The following ZDHHC2 variants were observed in gnomAD, a reference collection of about 807,000 sequenced individuals.
The protein encoded by ZDHHC2 is palmitoyltransferase ZDHHC2.
Under a neutral mutation model 55.6 loss-of-function variants are expected in ZDHHC2, and 51 were observed. That is an observed-to-expected ratio of 0.92 (90% confidence interval 0.73 to 1.16). ZDHHC2 has a LOEUF of 1.16. Among genes scored for constraint, ZDHHC2 ranks in the 50% most tolerant of loss-of-function variants. The probability of loss-of-function intolerance (pLI) is 0.00; values close to 1 mark genes in which losing one functional copy is unlikely to be tolerated. For missense variants in ZDHHC2, 491 were observed against 442.4 expected, an observed-to-expected ratio of 1.11 and a Z score of -0.99; for synonymous variants, 199 against 152.9, an observed-to-expected ratio of 1.30 and a Z score of -2.22.
rs532298025 is a variant in ZDHHC2, at chr8:17,201,826, C to T, written c.476+3413C>T. On this transcript the variant is annotated intron_variant, in intron 6 of 12. Coordinates refer to ENST00000262096, the MANE Select transcript of ZDHHC2 (RefSeq NM_016353.5). Reference sequence around the variant, plus strand: ...AGCTTTTTTATACAGGTATTTTAAACAGGTATTTTGAACCTTCATATCTGT... The same window carrying T: ...AGCTTTTTTATACAGGTATTTTAAATAGGTATTTTGAACCTTCATATCTGT... 3.9e-5 allele frequency among the ~76,000 whole-genome samples: 6 copies of T among 152,118 alleles called. No individual in the cohort carries two copies. The East Asian group carries it at 9.7e-4, about 25-fold the overall frequency.
chr8:17,162,322 T>C lies in ZDHHC2; in HGVS notation c.130+5469T>C, dbSNP rs372493167. 4.6e-5 allele frequency among the ~76,000 whole-genome samples: 7 copies of C among 152,362 alleles called. 1 individual carries two copies. On this transcript the variant is annotated intron_variant, in intron 1 of 12. Transcript: ENST00000262096. ...TTCTACTTAGTCTTATTCAATTGTA[T>C]AATGCAAATAAGTGAGAGGACAGGA...
chr8:17,203,194 G>A (rs1806900259), intron 6 of ZDHHC2, among the ~76,000 whole-genome samples: 1 of 150,226 alleles, frequency 6.7e-6, no homozygotes, highest in African/African-American at 2.5e-5. Flanking sequence ...CGAGTAGCTG[G>A]GATTACAGAC....
chr8:17,207,862 A>C, intron 7 of ZDHHC2, 98 bp from the exon 8 acceptor site: 1 of 1,054,496 alleles, frequency 9.5e-7, no homozygotes, highest in Non-Finnish European at 1.2e-6. Flanking sequence ...TTTAAGAAAA[A>C]TTTTAAGCAA....
Position 17,222,814 on chromosome 8 carries a change from T to G in ZDHHC2, c.*2593T>G, listed in dbSNP as rs1047532409. On this transcript the variant is annotated 3_prime_UTR_variant, in exon 13 of 13. Coordinates refer to ENST00000262096, the MANE Select transcript of ZDHHC2 (RefSeq NM_016353.5). ...TTAAGCATAAATTTTCCTAATAGTT[T>G]ATTAGAGCTACTAATGGCAAAATTC... 4 of 151,880 alleles carry G rather than the reference T, an allele frequency of 2.6e-5. No individual in the cohort carries two copies. Among genetic ancestry groups the G allele is most frequent in the Non-Finnish European group, 5.9e-5 (4 of 67,804 alleles). The allele number at this position is 151,880 out of a possible 1,614,324, so 9.4% of individuals were successfully genotyped here.
chr8:17,216,402 A>G (rs1807651499), intron 11 of ZDHHC2, among the ~76,000 whole-genome samples: 1 of 152,188 alleles, frequency 6.6e-6, no homozygotes. Context: ...TGCCTCCCAG[A>G]GGGTCCCATT....
At chr8:17,189,440 A>G (rs1056901004) in intron 3 of ZDHHC2, among the ~76,000 whole-genome samples, 5 of 152,222 alleles carry the variant, frequency 3.3e-5, no homozygotes, top group African/African-American at 9.6e-5. Context: ...CGTGAAATGT[A>G]TCTTTGTTCA....
chr8:17,164,725 A>G (rs1804519350), intron 1 of ZDHHC2, among the ~76,000 whole-genome samples: 1 of 151,898 alleles, frequency 6.6e-6, no homozygotes, highest in Admixed American at 6.5e-5. Context: ...ATAAGTTCAT[A>G]TTGTTTCAAA....
At chr8:17,167,388 C>T (rs953475763) in intron 1 of ZDHHC2, among the ~76,000 whole-genome samples, 1 of 149,686 alleles carries the variant, frequency 6.7e-6, no homozygotes, top group Non-Finnish European at 1.5e-5. Context: ...TCACTGCAAC[C>T]TCTGCCTCCC....
In ZDHHC2 at chr8:17,209,989, G is replaced by T; in HGVS notation, c.788G>T (p.Gly263Val). Residue 263 changes from glycine (G) to valine (V), a missense_variant, in exon 9 of 13, where the codon GGT (glycine) becomes GTT (valine). Physicochemically the swap from Gly to Val is moderately radical, Grantham distance 109. Transcript: ENST00000262096. ...HGTDKNGFSL[G>V]FSKNMRQVFG... The stretch of plus-strand genomic sequence containing the variant: ...ACAGATAAGAATGGATTCAGCTTGG[G>T]TTTCAGTAAAAACATGCGACAAGTT... 1.2e-6 allele frequency: 2 copies of T among 1,611,358 alleles called. No homozygotes were observed. Among genetic ancestry groups the T allele is most frequent in the Non-Finnish European group, 1.7e-6 (2 of 1,178,664 alleles).
chr8:17,165,133 G>C (rs1804540635), intron 1 of ZDHHC2, among the ~76,000 whole-genome samples: 1 of 152,196 alleles, frequency 6.6e-6, no homozygotes, highest in Non-Finnish European at 1.5e-5. Context: ...GCTGTAATGA[G>C]AGACACCTGA....
At chr8:17,175,331 T>G (rs1805076661) in intron 1 of ZDHHC2, among the ~76,000 whole-genome samples, 1 of 152,202 alleles carries the variant, frequency 6.6e-6, no homozygotes, top group South Asian at 2.1e-4. Context: ...CTCATTCTAC[T>G]AATTCACCCA....
intron 9 of ZDHHC2, 76 bp from the exon 10 acceptor site, chr8:17,210,312 G>A (rs2150944779): frequency 1.4e-6 from 2 of 1,430,188 alleles, no homozygotes; most frequent in Non-Finnish European, 1.9e-6. Flanking sequence ...TCTGCTCTCG[G>A]ACATCAGCAT....
Position 17,212,872 on chromosome 8 carries a change from A to G in ZDHHC2, c.951-2365A>G, listed in dbSNP as rs149469894. 7.7e-4 allele frequency among the ~76,000 whole-genome samples: 117 copies of G among 151,710 alleles called. 1 individual carries two copies. Among genetic ancestry groups the G allele is most frequent in the Middle Eastern group, 3.4e-3 (1 of 294 alleles). ...AAAGCAAGTTAGTAATGTCTCTGTT[A>G]TAATAAAATGTCTCCATTAACAGCC... On this transcript the variant is annotated intron_variant, in intron 10 of 12. Transcript: ENST00000262096.
At chr8:17,165,069 C>T (rs1228460363) in intron 1 of ZDHHC2, among the ~76,000 whole-genome samples, 1 of 152,080 alleles carries the variant, frequency 6.6e-6, no homozygotes, top group African/African-American at 2.4e-5. Flanking sequence ...GTACATAGCA[C>T]GTTGGAAGTA....
rs761967615 is a variant in ZDHHC2, at chr8:17,217,208, CTT to C, written c.1101_1102del (p.Ter368ThrfsTer6). ...CCTGCATTAACCATGGAAAATGAGA[CTT>C]AACTCTTCAAGCAAGATAAATTCAT... is the stretch of plus-strand genomic sequence containing the variant. On this transcript the variant is annotated frameshift_variant and stop_lost, in exon 12 of 13. Coordinates refer to ENST00000262096, the MANE Select transcript of ZDHHC2 (RefSeq NM_016353.5). LOFTEE classifies it high-confidence loss of function. The C allele has an allele frequency of 2.4e-5, 38 of 1,610,514 alleles. No individual in the cohort carries two copies. The Admixed American group carries it at 6.4e-4, about 27-fold the overall frequency.
At position 17,184,819 on chromosome 8, in the gene ZDHHC2, A is replaced by G; in HGVS notation, c.157+4A>G. 1 of 1,547,394 alleles carries G rather than the reference A, an allele frequency of 6.5e-7. No individual in the cohort carries two copies. Among genetic ancestry groups the G allele is most frequent in the Non-Finnish European group, 8.7e-7 (1 of 1,145,110 alleles). ...ATGGAAAACACTGGCGAACAAGGTA[A>G]GCTAGATTATATTAATGTTATAGAT... On this transcript the variant is annotated splice_donor_region_variant and intron_variant, in intron 2 of 12. Coordinates refer to ENST00000262096, the MANE Select transcript of ZDHHC2 (RefSeq NM_016353.5).
intron 4 of ZDHHC2, among the ~76,000 whole-genome samples, chr8:17,195,942 G>C (rs547484392): frequency 6.6e-6 from 1 of 152,266 alleles, no homozygotes; most frequent in South Asian, 2.1e-4. Context: ...GGTTTTAATT[G>C]TAGACTTTCC....
intron 1 of ZDHHC2, among the ~76,000 whole-genome samples, chr8:17,179,725 G>C (rs547422044): frequency 2.0e-5 from 3 of 152,158 alleles, no homozygotes; most frequent in African/African-American, 7.2e-5. Context: ...ATTCCTGAAG[G>C]CCATAATTTT....
At chr8:17,170,107 G>A (rs1804785145) in intron 1 of ZDHHC2, among the ~76,000 whole-genome samples, 1 of 152,214 alleles carries the variant, frequency 6.6e-6, no homozygotes, top group South Asian at 2.1e-4. Context: ...TGTTGGGCGA[G>A]AGTATGATTT....
Sources: gnomAD v4.1 joint callset for allele counts (sites outside exome capture counted in the v4.1 genomes callset) on GRCh38, gnomAD v4.1.1 for gene constraint, MANE v1.5 for transcripts, NCBI Gene and HGNC (gene_info 2026-07-23, HGNC 2026-07-21) for gene names.